CTNNA3: variants seen among roughly 807,000 people sequenced by gnomAD.
The protein encoded by CTNNA3 is catenin alpha-3.
CTNNA3 carries 76 observed loss-of-function variants against 95.7 expected under a neutral mutation model. The ratio of observed to expected loss-of-function variants is 0.79; its 90% confidence interval spans 0.66 to 0.96. CTNNA3 has a LOEUF of 0.96. Ranked by LOEUF, CTNNA3 falls within the 40% of genes least tolerant of loss-of-function variation. The pLI, the probability that CTNNA3 is intolerant of heterozygous loss-of-function variation, is 0.00. For missense variants in CTNNA3, 1,191 were observed against 1,089.8 expected (o/e 1.09, Z -1.31); for synonymous variants, 431 against 374.4 (o/e 1.15, Z -1.74).
intron 13 of CTNNA3, among the ~76,000 whole-genome samples, chr10:66,181,368 C>T (rs2086028500): frequency 6.6e-6 from 1 of 152,122 alleles, no homozygotes; most frequent in African/African-American, 2.4e-5. Flanking sequence ...AGTTTCAGAA[C>T]TTAAACTCTA....
intron 1 of CTNNA3, among the ~76,000 whole-genome samples, chr10:67,715,528 T>G (rs1445878354): frequency 1.3e-5 from 2 of 152,092 alleles, no homozygotes; most frequent in African/African-American, 4.8e-5. Context: ...ACAGTTACAA[T>G]GTCTGAGAAC....
chr10:66,907,607 T>C (rs1315798136), intron 7 of CTNNA3, among the ~76,000 whole-genome samples: 2 of 152,170 alleles, frequency 1.3e-5, no homozygotes. Flanking sequence ...CAATATCCCA[T>C]GTTAGGAACT....
intron 13 of CTNNA3, among the ~76,000 whole-genome samples, chr10:66,202,046 C>T (rs1391291629): frequency 2.6e-5 from 4 of 152,060 alleles, no homozygotes; most frequent in African/African-American, 9.7e-5. Flanking sequence ...CCTGGCCTCC[C>T]AAAGTGCTGG....
chr10:66,858,893 TC>T lies in CTNNA3; in HGVS notation c.1048-83370del, dbSNP rs1344288827. Among the ~76,000 whole-genome samples the T allele has an allele frequency of 7.2e-5, 11 of 152,160 alleles. No individual in the cohort carries two copies. The East Asian group carries it at 2.1e-3, about 29-fold the overall frequency. ...ACGCCTCAATTTCTTTCAGTTCAGC[TC>T]TGATTTTGCTTATTTCTTATGCTCT... On this transcript the variant is annotated intron_variant, in intron 7 of 17. Coordinates refer to ENST00000433211, the MANE Select transcript of CTNNA3 (RefSeq NM_013266.4).
intron 5 of CTNNA3, among the ~76,000 whole-genome samples, chr10:67,307,117 C>T (rs1030042563): frequency 6.6e-6 from 1 of 152,168 alleles, no homozygotes; most frequent in African/African-American, 2.4e-5. Flanking sequence ...AGACACATGG[C>T]TGTTAACAAG....
chr10:66,356,568 T>A (rs2092612392), intron 12 of CTNNA3, among the ~76,000 whole-genome samples: 1 of 150,702 alleles, frequency 6.6e-6, no homozygotes, highest in Non-Finnish European at 1.5e-5. Context: ...TAGAAAAATT[T>A]TATTTTTTCT....
At chr10:66,658,604 A>G (rs1158403815) in intron 9 of CTNNA3, among the ~76,000 whole-genome samples, 1 of 152,182 alleles carries the variant, frequency 6.6e-6, no homozygotes, top group Non-Finnish European at 1.5e-5. Flanking sequence ...TTGCATGCAA[A>G]CACAAAAGAA....
chr10:66,634,238 T>C (rs1395325820), intron 9 of CTNNA3, among the ~76,000 whole-genome samples: 1 of 152,190 alleles, frequency 6.6e-6, no homozygotes, highest in East Asian at 1.9e-4. Context: ...GTATTAATCA[T>C]GACACTTATT....
At chr10:67,031,370 T>A (rs1422187742) in intron 7 of CTNNA3, among the ~76,000 whole-genome samples, 1 of 152,188 alleles carries the variant, frequency 6.6e-6, no homozygotes, top group Non-Finnish European at 1.5e-5. Context: ...CAGTGTCAGA[T>A]CTAAGAATAT....
At chr10:67,419,059 A>T (rs1845646521) in intron 5 of CTNNA3, among the ~76,000 whole-genome samples, 1 of 152,124 alleles carries the variant, frequency 6.6e-6, no homozygotes, top group African/African-American at 2.4e-5. Flanking sequence ...TGTTACATTG[A>T]CTTTGTTTCC....
At chr10:67,009,960 T>C (rs542321381) in intron 7 of CTNNA3, among the ~76,000 whole-genome samples, 74 of 152,300 alleles carry the variant, frequency 4.9e-4, no homozygotes, top group South Asian at 3.9e-3. Context: ...GCAAGAACCC[T>C]GTCATTCTAG....
intron 7 of CTNNA3, among the ~76,000 whole-genome samples, chr10:67,158,391 C>A (rs1399462863): frequency 2.0e-5 from 3 of 152,106 alleles, no homozygotes; most frequent in African/African-American, 7.2e-5. Flanking sequence ...GAAATCATCA[C>A]TAATAAAACC....
At chr10:67,070,260 T>A (rs1856366938) in intron 7 of CTNNA3, among the ~76,000 whole-genome samples, 1 of 152,340 alleles carries the variant, frequency 6.6e-6, no homozygotes, top group African/African-American at 2.4e-5. Flanking sequence ...TTTGTCTTTA[T>A]CTTTTTTATT....
At chr10:66,438,205 C>T (rs34129307) in intron 11 of CTNNA3, among the ~76,000 whole-genome samples, 30,900 of 152,184 alleles carry the variant, frequency 0.2, 3,485 homozygotes, top group South Asian at 0.3. Context: ...GCAGTCTGTC[C>T]CTTAGCAGAG....
intron 5 of CTNNA3, among the ~76,000 whole-genome samples, chr10:67,331,029 T>G (rs1053317090): frequency 6.6e-6 from 1 of 152,156 alleles, no homozygotes; most frequent in Non-Finnish European, 1.5e-5. Flanking sequence ...AAAATCAGGT[T>G]TAGGGGGAAA....
chr10:67,510,371 G>A (rs1234194579), intron 5 of CTNNA3, among the ~76,000 whole-genome samples: 1 of 151,908 alleles, frequency 6.6e-6, no homozygotes, highest in Non-Finnish European at 1.5e-5. Flanking sequence ...TGTATAAGGT[G>A]TAAGGAAGGG....
intron 5 of CTNNA3, among the ~76,000 whole-genome samples, chr10:67,361,906 A>G (rs941643047): frequency 3.3e-5 from 5 of 152,126 alleles, no homozygotes; most frequent in African/African-American, 1.2e-4. Context: ...AGAAGATCCA[A>G]TAAACACAAT....
intron 11 of CTNNA3, among the ~76,000 whole-genome samples, chr10:66,507,545 T>C (rs1427655183): frequency 1.3e-5 from 2 of 152,088 alleles, no homozygotes; most frequent in Non-Finnish European, 2.9e-5. Flanking sequence ...AGTTCTACTC[T>C]TTACTTCCAT....
intron 14 of CTNNA3, among the ~76,000 whole-genome samples, chr10:66,076,164 C>T (rs2080554301): frequency 6.6e-6 from 1 of 151,466 alleles, no homozygotes; most frequent in South Asian, 2.1e-4. Flanking sequence ...TTACCTTCAG[C>T]GTGTCTCAAA....
Sources: allele counts gnomAD v4.1 joint callset (sites outside exome capture counted in the v4.1 genomes callset), GRCh38; gene constraint gnomAD v4.1.1; transcripts MANE v1.5; gene names NCBI Gene and HGNC (gene_info 2026-07-23, HGNC 2026-07-21).